FOSL2: variants seen among roughly 807,000 people sequenced by gnomAD.
FOSL2 encodes the protein fos-related antigen 2.
In FOSL2, 3 loss-of-function variants were observed where a neutral mutation model predicts 27.7. That is an observed-to-expected ratio of 0.11 (90% CI 0.05 to 0.28). FOSL2 has a LOEUF of 0.28. FOSL2 is among the 10% of genes least tolerant of loss of function. The pLI is 1.00. For synonymous variants in FOSL2, 179 were observed against 190.1 expected, an observed-to-expected ratio of 0.94 and a Z score of 0.48; for missense variants, 333 against 445.1, an observed-to-expected ratio of 0.75 and a Z score of 2.27.
chr2:28,394,150 C>T lies in FOSL2; in HGVS notation c.102+328C>T, dbSNP rs910108249. Among the ~76,000 whole-genome samples the T allele has an allele frequency of 2.0e-4, 19 of 95,080 alleles. No homozygotes were observed. The East Asian group carries it at 5.7e-3, about 29-fold the overall frequency. 62.4% of individuals were successfully genotyped at this position (95,080 alleles called of 152,430 possible). A position where few individuals can be genotyped will look rare whatever the true frequency, so the allele number is the denominator to read the frequency against. ...TCCCCAGTGTCTGCCCCCCCCCCCC[C>T]ACCCCTGCCCCGCGTCTTCTCTCTG... On this transcript the variant is annotated intron_variant, in intron 1 of 3. Transcript: ENST00000264716.
In FOSL2 at chr2:28,408,773, G is replaced by C; in HGVS notation, c.369G>C (p.Glu123Asp). ...TTGGCCTCTAGCTGTCTCCTGAAGA[G>C]GAGGAGAAGCGTCGCATCCGGCGGG... The part of the protein sequence containing the change: ...RRRDEQLSPE[E>D]EEKRRIRRER... The change falls in exon 3 of 4, where the codon GAG (glutamate) becomes GAC (aspartate). Residue 123 changes from glutamate (E) to aspartate (D), a missense_variant. Physicochemically the swap from Glu to Asp is conservative, Grantham distance 45. Around this residue, in one of 4 missense-constraint regions of FOSL2, gnomAD observed 40 missense variants for 104.2 expected, o/e 0.38. Transcript: ENST00000264716. This position sits in a 1 kb window ranked among gnomAD's most constrained non-coding sequence, Gnocchi z 4.1. 6.2e-7 allele frequency: 1 copy of C among 1,610,906 alleles called. No homozygotes were observed. The highest frequency in any genetic ancestry group is 8.5e-7 in the Non-Finnish European group (1 of 1,178,360).
rs770256506 is a variant in FOSL2, at chr2:28,415,024, C to T, written c.*2576C>T. ...GGCTTGCCCTCCAAGTTCTCTCTCT[C>T]ATACACACACACACCCTTGCTCCAG... On this transcript the variant is annotated 3_prime_UTR_variant, in exon 4 of 4. Coordinates refer to ENST00000264716, the MANE Select transcript of FOSL2 (RefSeq NM_005253.4). The T allele has an allele frequency of 2.6e-5, 4 of 152,326 alleles. No individual in the cohort carries two copies. The highest frequency in any genetic ancestry group is 4.4e-5 in the Non-Finnish European group (3 of 68,142). The allele number at this position is 152,326 out of a possible 1,614,324, so 9.4% of individuals were successfully genotyped here.
Position 28,412,325 on chromosome 2 carries a change from C to T in FOSL2, c.858C>T (p.Ser286=), listed in dbSNP as rs773347086. The part of the protein sequence containing the change: ...GTSNLVFTYP[S]VLEQESPASP... Reference sequence around the variant, plus strand: ...CGAACCTCGTCTTCACCTATCCTAGCGTCCTGGAGCAGGAGTCACCCGCAT... The same window carrying T: ...CGAACCTCGTCTTCACCTATCCTAGTGTCCTGGAGCAGGAGTCACCCGCAT... Residue 286 remains serine (S), a synonymous_variant, in exon 4 of 4, where the codon AGC becomes AGT. Transcript: ENST00000264716. This position sits in a 1 kb window ranked among gnomAD's most constrained non-coding sequence, Gnocchi z 7.1. The T allele has an allele frequency of 1.7e-5, 28 of 1,613,782 alleles. No individual in the cohort carries two copies. Among genetic ancestry groups the T allele is most frequent in the Admixed American group, 6.7e-5 (4 of 60,012 alleles).
At chr2:28,410,261 C>G (rs1281063952) in intron 3 of FOSL2, among the ~76,000 whole-genome samples, 1 of 152,168 alleles carries the variant, frequency 6.6e-6, no homozygotes, top group East Asian at 1.9e-4. Context: ...CTCAGCGGGC[C>G]CTCCCACCAC....
In FOSL2 at chr2:28,404,498, A is replaced by T; in HGVS notation, c.354+140A>T. On this transcript the variant is annotated intron_variant, in intron 2 of 3. Coordinates refer to ENST00000264716, the MANE Select transcript of FOSL2 (RefSeq NM_005253.4). The surrounding 1 kb of genome is among the most constrained non-coding windows in gnomAD (Gnocchi z 4.7). ...GGAGCTAGGGGTCGAAGAGCACGTC[A>T]TCCCCCTTACTGGAGGCCGAGCTGG... 1 of 1,084,608 alleles carries T rather than the reference A, an allele frequency of 9.2e-7. No individual in the cohort carries two copies. The highest frequency in any genetic ancestry group is 1.3e-6 in the Non-Finnish European group (1 of 765,876). The allele number at this position is 1,084,608 out of a possible 1,614,324, so 67.2% of individuals were successfully genotyped here.
chr2:28,412,203 A>T lies in FOSL2; in HGVS notation c.736A>T (p.Ile246Phe). 6.2e-7 allele frequency: 1 copy of T among 1,613,138 alleles called. No homozygotes were observed. The highest frequency in any genetic ancestry group is 8.5e-7 in the Non-Finnish European group (1 of 1,179,746). ...GCTGGACAAGGCCCAGCGCTCTGTC[A>T]TCAAGCCCATCAGCATTGCTGGGGG... ...AGLDKAQRSVIKPISIAGGFY... is the reference protein window; with the variant it reads ...AGLDKAQRSVFKPISIAGGFY... The change falls in exon 4 of 4, where the codon ATC becomes TTC. Residue 246 changes from isoleucine to phenylalanine, a missense_variant. This residue lies in a region of FOSL2 where 136 missense variants were observed against 123.7 expected (regional missense o/e 1.10). Coordinates refer to ENST00000264716, the MANE Select transcript of FOSL2 (RefSeq NM_005253.4). This position sits in a 1 kb window ranked among gnomAD's most constrained non-coding sequence, Gnocchi z 7.1.
At chr2:28,410,811 TG>T (rs555176841) in intron 3 of FOSL2, among the ~76,000 whole-genome samples, 98 of 152,268 alleles carry the variant, frequency 6.4e-4, no homozygotes, top group African/African-American at 2.3e-3. Context: ...CTGAACCAAA[TG>T]TTCTCTGAGG....
At position 28,416,750 on chromosome 2, in the gene FOSL2, A is replaced by G. The variant is rs1664319289; in HGVS notation, c.*4302A>G. On this transcript the variant is annotated 3_prime_UTR_variant, in exon 4 of 4. Transcript: ENST00000264716. Reference sequence around the variant, plus strand: ...AAATATTTGACTTTGTGTAAAGAGTAGGGTATCAGGGTGTCTTTTCTGCCG... The same window carrying G: ...AAATATTTGACTTTGTGTAAAGAGTGGGGTATCAGGGTGTCTTTTCTGCCG... 6.6e-6 allele frequency: 1 copy of G among 152,156 alleles called. No homozygotes were observed. Among genetic ancestry groups the G allele is most frequent in the African/African-American group, 2.4e-5 (1 of 41,438 alleles). The allele number at this position is 152,156 out of a possible 1,614,324, so 9.4% of individuals were successfully genotyped here. A position where few individuals can be genotyped will look rare whatever the true frequency, so the allele number is the denominator to read the frequency against.
chr2:28,398,731 A>G (rs749010462), intron 1 of FOSL2, among the ~76,000 whole-genome samples: 70 of 152,368 alleles, frequency 4.6e-4, no homozygotes, highest in Non-Finnish European at 7.3e-5. Flanking sequence ...CAGCATTTAT[A>G]AACTGTAACG....
rs1418173899 is a variant in FOSL2, at chr2:28,393,839, G to A, written c.102+17G>A. On this transcript the variant is annotated intron_variant, in intron 1 of 3. Transcript: ENST00000264716. This position sits in a 1 kb window ranked among gnomAD's most constrained non-coding sequence, Gnocchi z 4.6. ...GGCCAGCAGGTAGGTGCGGGCCCCG[G>A]TGCACCTGGCGGCGCGGGCGGACCC... The A allele has an allele frequency of 3.2e-6, 5 of 1,564,752 alleles. No individual in the cohort carries two copies. The highest frequency in any genetic ancestry group is 4.7e-5 in the East Asian group (2 of 42,220).
At chr2:28,401,177 T>G (rs1182341636) in intron 1 of FOSL2, among the ~76,000 whole-genome samples, 1 of 151,486 alleles carries the variant, frequency 6.6e-6, no homozygotes, top group African/African-American at 2.4e-5. Flanking sequence ...ATGGTGACCT[T>G]CCATTGGTTT....
chr2:28,396,322 C>T (rs1663834437), intron 1 of FOSL2, among the ~76,000 whole-genome samples: 1 of 152,094 alleles, frequency 6.6e-6, no homozygotes, highest in Admixed American at 6.5e-5. Flanking sequence ...TTGTTACAGC[C>T]TCTGTTCTTA....
intron 2 of FOSL2, among the ~76,000 whole-genome samples, chr2:28,406,905 G>A (rs1052894029): frequency 3.3e-5 from 5 of 152,318 alleles, no homozygotes; most frequent in East Asian, 1.9e-4. Flanking sequence ...GCCCTGTGGC[G>A]GCGACTCTGA....
At chr2:28,396,916 A>G (rs943262638) in intron 1 of FOSL2, 5 of 151,756 alleles carry the variant, frequency 3.3e-5, no homozygotes, top group African/African-American at 1.2e-4. Flanking sequence ...ACCAGAAATG[A>G]CTGTGATTCC....
rs1368495957 is a variant in FOSL2, at chr2:28,414,628, A to G, written c.*2180A>G. ...GTGGGAGCTATTTTCTTTTTTGTGC[A>G]TATAGATATTTCTTAAATGAAGCTG... On this transcript the variant is annotated 3_prime_UTR_variant, in exon 4 of 4. Transcript: ENST00000264716. 1.3e-5 allele frequency: 2 copies of G among 152,186 alleles called. No individual in the cohort carries two copies. Among genetic ancestry groups the G allele is most frequent in the African/African-American group, 4.8e-5 (2 of 41,452 alleles). The allele number at this position is 152,186 out of a possible 1,614,324, so 9.4% of individuals were successfully genotyped here.
chr2:28,393,067 C>T lies in FOSL2; in HGVS notation c.-654C>T, dbSNP rs1663708969. The T allele has an allele frequency of 6.0e-6, 3 of 496,410 alleles. No individual in the cohort carries two copies. Among genetic ancestry groups the T allele is most frequent in the East Asian group, 3.6e-5 (1 of 27,968 alleles). The allele number at this position is 496,410 out of a possible 1,614,324, so 30.8% of individuals were successfully genotyped here. ...GCGGGGAGCGGGGCCGCGTCCCTCT[C>T]AGCGCCAGCTCTACTTGAGCCCCAC... On this transcript the variant is annotated 5_prime_UTR_variant, in exon 1 of 4. Coordinates refer to ENST00000264716, the MANE Select transcript of FOSL2 (RefSeq NM_005253.4). The surrounding 1 kb of genome is among the most constrained non-coding windows in gnomAD (Gnocchi z 4.6).
rs1664122274 is a variant in FOSL2, at chr2:28,408,195, C to T, written c.355-564C>T. 6.6e-6 allele frequency among the ~76,000 whole-genome samples: 1 copy of T among 152,218 alleles called. No individual in the cohort carries two copies. The highest frequency in any genetic ancestry group is 6.5e-5 in the Admixed American group (1 of 15,288). On this transcript the variant is annotated intron_variant, in intron 2 of 3. Coordinates refer to ENST00000264716, the MANE Select transcript of FOSL2 (RefSeq NM_005253.4). This position sits in a 1 kb window ranked among gnomAD's most constrained non-coding sequence, Gnocchi z 4.1. ...AGAGGAAATCGGGAGTGGAGTGGCA[C>T]TCTTGGCCCTCCCATCAGCAACATA...
rs1032837509 is a variant in FOSL2, at chr2:28,408,944, C to T, written c.462+78C>T. ...CCCCGGGGGTCCTGATCCTCTCTCCCACAGCTGTCTCCTTACCCACAAATG... is the reference window on the plus strand; with the variant it reads ...CCCCGGGGGTCCTGATCCTCTCTCCTACAGCTGTCTCCTTACCCACAAATG... On this transcript the variant is annotated intron_variant, in intron 3 of 3. Coordinates refer to ENST00000264716, the MANE Select transcript of FOSL2 (RefSeq NM_005253.4). The surrounding 1 kb of genome is among the most constrained non-coding windows in gnomAD (Gnocchi z 4.1). 1.1e-6 allele frequency: 1 copy of T among 935,434 alleles called. No homozygotes were observed. The highest frequency in any genetic ancestry group is 1.6e-6 in the Non-Finnish European group (1 of 625,166). 57.9% of individuals were successfully genotyped at this position (935,434 alleles called of 1,614,324 possible).
chr2:28,393,786 C>T lies in FOSL2; in HGVS notation c.66C>T (p.His22=), dbSNP rs1345953862. Residue 22 remains histidine, a synonymous_variant, in exon 1 of 4, where the codon CAC becomes CAT. Coordinates refer to ENST00000264716, the MANE Select transcript of FOSL2 (RefSeq NM_005253.4). The surrounding 1 kb of genome is among the most constrained non-coding windows in gnomAD (Gnocchi z 4.6). ...GGGGCAGCAGCGGCTCTCCTGCGCACGCCGAGTCCTACTCCAGCGGCGGCG... is the reference window on the plus strand; with the variant it reads ...GGGGCAGCAGCGGCTCTCCTGCGCATGCCGAGTCCTACTCCAGCGGCGGCG... ...SSRGSSGSPA[H]AESYSSGGGG... is the part of the protein sequence containing the mutation. 1.2e-6 allele frequency: 2 copies of T among 1,607,196 alleles called. No homozygotes were observed. The highest frequency in any genetic ancestry group is 1.3e-5 in the African/African-American group (1 of 74,694).
Sources: allele counts gnomAD v4.1 joint callset (sites outside exome capture counted in the v4.1 genomes callset), GRCh38; gene constraint gnomAD v4.1.1; regional missense constraint gnomAD v4.1.1; non-coding constraint Gnocchi (gnomAD v3.1); transcripts MANE v1.5; gene names NCBI Gene and HGNC (gene_info 2026-07-23, HGNC 2026-07-21).